The following SLC44A4 variants were observed in gnomAD, a reference collection of about 807,000 sequenced individuals.
SLC44A4 encodes solute carrier family 44 member 4, also known as choline transporter-like protein 4.
A neutral mutation model predicts 97.0 loss-of-function variants in SLC44A4; 74 were observed. That is an observed-to-expected ratio of 0.76 (90% CI 0.63 to 0.93). SLC44A4 has a LOEUF of 0.93. Among genes scored for constraint, SLC44A4 ranks in the 40% least tolerant of loss-of-function variants. SLC44A4 has a pLI of 0.00. For missense variants in SLC44A4, 799 were observed against 902.9 expected (o/e 0.88, Z 1.48); for synonymous variants, 325 against 363.8 (o/e 0.89, Z 1.21).
At position 31,877,782 on chromosome 6, in the gene SLC44A4, A is replaced by T; in HGVS notation, c.41-700T>A. The T allele has an allele frequency of 2.0e-5, 4 of 200,466 alleles. No homozygotes were observed. The highest frequency in any genetic ancestry group is 2.7e-5 in the Non-Finnish European group (3 of 112,236). The allele number at this position is 200,466 out of a possible 1,614,324, so 12.4% of individuals were successfully genotyped here. A position where few individuals can be genotyped will look rare whatever the true frequency, so the allele number is the denominator to read the frequency against. On this transcript the variant is annotated intron_variant, in intron 1 of 20. Coordinates refer to ENST00000229729, the MANE Select transcript of SLC44A4 (RefSeq NM_025257.3). This position sits in a 1 kb window ranked among gnomAD's most constrained non-coding sequence, Gnocchi z 6.5. ...TTCCTGGTCCTCCCTGAGTACACAC[A>T]CAGGGAGGAGGAGGGCTGGGCAGTC... is the stretch of plus-strand genomic sequence containing the variant.
chr6:31,864,814 A>C lies in SLC44A4; in HGVS notation c.1926+2T>G, dbSNP rs907912881. The C allele has an allele frequency of 1.2e-6, 2 of 1,614,018 alleles. No homozygotes were observed. The highest frequency in any genetic ancestry group is 1.3e-5 in the African/African-American group (1 of 75,012). ...GGAGCAGCAGAGAGGGGAGTCACTC[A>C]CCATGATGGGCAGCCAGTAATAGTT... On this transcript the variant is annotated splice_donor_variant, in intron 19 of 20. Transcript: ENST00000229729. LOFTEE classifies it high-confidence loss of function.
At chr6:31,871,857 G>A (rs796906937) in intron 7 of SLC44A4, among the ~76,000 whole-genome samples, 12 of 152,146 alleles carry the variant, frequency 7.9e-5, no homozygotes, top group Non-Finnish European at 1.3e-4. Context: ...CAGGGAGACC[G>A]TGGCACTGCC....
At position 31,863,711 on chromosome 6, in the gene SLC44A4, C is replaced by G; in HGVS notation, c.2049G>C (p.Arg683=). ...GAAGGCTCTTGGACATGTAGTAGGGCCGGTCCAGGGAGCCGTTGTTCCGCT... is the reference window on the plus strand; with the variant it reads ...GAAGGCTCTTGGACATGTAGTAGGGGCGGTCCAGGGAGCCGTTGTTCCGCT... ...DLERNNGSLD[R]PYYMSKSLLK... The change falls in exon 21 of 21, where the codon CGG becomes CGC. Residue 683 remains arginine (R), a synonymous_variant. Coordinates refer to ENST00000229729, the MANE Select transcript of SLC44A4 (RefSeq NM_025257.3). The G allele has an allele frequency of 1.2e-6, 2 of 1,612,706 alleles. No individual in the cohort carries two copies. The highest frequency in any genetic ancestry group is 1.7e-6 in the Non-Finnish European group (2 of 1,179,922).
At chr6:31,868,622 C>A (rs762546770) in intron 13 of SLC44A4, among the ~76,000 whole-genome samples, 13 of 152,118 alleles carry the variant, frequency 8.5e-5, no homozygotes, top group Non-Finnish European at 1.5e-4. Context: ...CACAGCAAGA[C>A]CTTGCCTCTA....
Position 31,874,791 on chromosome 6 carries a change from G to A in SLC44A4, c.398C>T (p.Ser133Leu), listed in dbSNP as rs1429376747. 5 of 1,614,054 alleles carry A rather than the reference G, an allele frequency of 3.1e-6. No homozygotes were observed. Among genetic ancestry groups the A allele is most frequent in the Non-Finnish European group, 4.2e-6 (5 of 1,179,978 alleles). The change falls in exon 6 of 21, where the codon TCA becomes TTA. Residue 133 changes from serine to leucine, a missense_variant. By Grantham distance (145) the Ser-to-Leu change is moderately radical. This residue lies in a region of SLC44A4 where 409 missense variants were observed against 434.1 expected (regional missense o/e 0.94). Coordinates refer to ENST00000229729, the MANE Select transcript of SLC44A4 (RefSeq NM_025257.3). The surrounding 1 kb of genome is among the most constrained non-coding windows in gnomAD (Gnocchi z 4.8). ...DPWTVGKNEF[S>L]QTVGEVFYTK... ...ATAGAAGACTTCCCCAACAGTCTGT[G>A]AGAACTCGTTTTTTCCCACAGTCCA...
chr6:31,865,294 G>A lies in SLC44A4; in HGVS notation c.1760+21C>T, dbSNP rs1383138610. 6.2e-7 allele frequency: 1 copy of A among 1,613,378 alleles called. No individual in the cohort carries two copies. Among genetic ancestry groups the A allele is most frequent in the Non-Finnish European group, 8.5e-7 (1 of 1,179,674 alleles). On this transcript the variant is annotated intron_variant, in intron 17 of 20. Transcript: ENST00000229729. This position sits in a 1 kb window ranked among gnomAD's most constrained non-coding sequence, Gnocchi z 5.2. ...GGAGATCAGAGGAGGGAGCCACAAA[G>A]CGGGGGGGGAGCAGCCTAACCTGAC...
rs1020635233 is a variant in SLC44A4 at position 31,876,815 on chromosome 6, C to T, written c.89+219G>A. 2.0e-5 allele frequency among the ~76,000 whole-genome samples: 3 copies of T among 151,804 alleles called. No individual in the cohort carries two copies. The highest frequency in any genetic ancestry group is 2.9e-5 in the Non-Finnish European group (2 of 67,940). ...GGGTGAGTTCTCTCGCTTGTGAAGCCGGCACTTAAGTCAAGAAACAGAACA... is the reference window on the plus strand; with the variant it reads ...GGGTGAGTTCTCTCGCTTGTGAAGCTGGCACTTAAGTCAAGAAACAGAACA... On this transcript the variant is annotated intron_variant, in intron 2 of 20. Transcript: ENST00000229729. The surrounding 1 kb of genome is among the most constrained non-coding windows in gnomAD (Gnocchi z 4.8).
chr6:31,871,352 G>T lies in SLC44A4; in HGVS notation c.663C>A (p.Ile221=), dbSNP rs776697768. 5.6e-6 allele frequency: 9 copies of T among 1,614,142 alleles called. No individual in the cohort carries two copies. Among genetic ancestry groups the T allele is most frequent in the Non-Finnish European group, 7.6e-6 (9 of 1,180,022 alleles). Residue 221 remains isoleucine (I), a synonymous_variant, in exon 9 of 21, where the codon ATC becomes ATA. Coordinates refer to ENST00000229729, the MANE Select transcript of SLC44A4 (RefSeq NM_025257.3). ...ACCAGGACTGGGCAAAATCTTCAAA[G>T]ATCTTAACACTGATGTCTCGGGCAT... The part of the protein sequence containing the change: ...SLNARDISVK[I]FEDFAQSWYW...
At chr6:31,867,542 C>T (rs1762928968) in intron 13 of SLC44A4, among the ~76,000 whole-genome samples, 1 of 151,564 alleles carries the variant, frequency 6.6e-6, no homozygotes, top group Admixed American at 6.6e-5. Context: ...CCAGCCTGGG[C>T]AACATAGTGA....
chr6:31,876,003 C>T lies in SLC44A4; in HGVS notation c.163+53G>A. ...GGGCAGTTATGGGAATGGTCCCTCC[C>T]TGGGTTCCTGTCCCTCACCCACTGC... On this transcript the variant is annotated intron_variant, in intron 3 of 20. Coordinates refer to ENST00000229729, the MANE Select transcript of SLC44A4 (RefSeq NM_025257.3). The surrounding 1 kb of genome is among the most constrained non-coding windows in gnomAD (Gnocchi z 4.8). 6.2e-7 allele frequency: 1 copy of T among 1,612,022 alleles called. No individual in the cohort carries two copies. Among genetic ancestry groups the T allele is most frequent in the Non-Finnish European group, 8.5e-7 (1 of 1,178,116 alleles).
Position 31,876,775 on chromosome 6 carries a change from C to T in SLC44A4, c.89+259G>A, listed in dbSNP as rs1383765308. Among the ~76,000 whole-genome samples, 4 of 152,158 alleles carry T rather than the reference C, an allele frequency of 2.6e-5. No individual in the cohort carries two copies. The highest frequency in any genetic ancestry group is 4.8e-5 in the African/African-American group (2 of 41,418). ...GTAAAAGACAGAAAAGCACACAACT[C>T]GCAAGGGCTCAGCTGGGTGAGTTCT... On this transcript the variant is annotated intron_variant, in intron 2 of 20. Coordinates refer to ENST00000229729, the MANE Select transcript of SLC44A4 (RefSeq NM_025257.3). This position sits in a 1 kb window ranked among gnomAD's most constrained non-coding sequence, Gnocchi z 4.8.
At position 31,876,256 on chromosome 6, in the gene SLC44A4, TA is replaced by T. The variant is rs1398576197; in HGVS notation, c.90-128del. The T allele has an allele frequency of 7.6e-6, 5 of 658,622 alleles. No individual in the cohort carries two copies. The highest frequency in any genetic ancestry group is 2.9e-5 in the East Asian group (1 of 34,768). The allele number at this position is 658,622 out of a possible 1,614,324, so 40.8% of individuals were successfully genotyped here. ...CATGGGCATCAGTAGGCTTTATTTT[TA>T]TTTTTTTATTGCTTTTACTTTTTTA... On this transcript the variant is annotated intron_variant, in intron 2 of 20. Coordinates refer to ENST00000229729, the MANE Select transcript of SLC44A4 (RefSeq NM_025257.3). This position sits in a 1 kb window ranked among gnomAD's most constrained non-coding sequence, Gnocchi z 4.8.
At chr6:31,872,658 G>C (rs548446224) in intron 7 of SLC44A4, among the ~76,000 whole-genome samples, 1 of 151,746 alleles carries the variant, frequency 6.6e-6, no homozygotes, top group East Asian at 2.0e-4. Context: ...TTAGCCTCCT[G>C]AGCAGTTGGG....
chr6:31,869,782 G>C (rs1235414993), intron 11 of SLC44A4, 145 bp from the exon 12 acceptor site: 1 of 638,378 alleles, frequency 1.6e-6, no homozygotes. Flanking sequence ...TCAGGAGATC[G>C]AGACCATGCT....
Position 31,874,356 on chromosome 6 carries a change from CCAA to C in SLC44A4, c.529+101_529+103del. 1 of 1,338,022 alleles carries C rather than the reference CCAA, an allele frequency of 7.5e-7. No homozygotes were observed. Among genetic ancestry groups the C allele is most frequent in the Non-Finnish European group, 1.1e-6 (1 of 943,266 alleles). 82.9% of individuals were successfully genotyped at this position (1,338,022 alleles called of 1,614,324 possible). A position where few individuals can be genotyped will look rare whatever the true frequency, so the allele number is the denominator to read the frequency against. ...CCTGATGCTAATTCCAATTTTGCCA[CCAA>C]CAAGCTATGTGACTTCACTCTCTCT... On this transcript the variant is annotated intron_variant, in intron 7 of 20. Transcript: ENST00000229729. The surrounding 1 kb of genome is among the most constrained non-coding windows in gnomAD (Gnocchi z 4.8).
chr6:31,865,140 T>A lies in SLC44A4; in HGVS notation c.1761-60A>T. The A allele has an allele frequency of 6.9e-6, 11 of 1,594,494 alleles. No individual in the cohort carries two copies. Among genetic ancestry groups the A allele is most frequent in the Non-Finnish European group, 8.6e-6 (10 of 1,162,822 alleles). On this transcript the variant is annotated intron_variant, in intron 17 of 20. Transcript: ENST00000229729. This position sits in a 1 kb window ranked among gnomAD's most constrained non-coding sequence, Gnocchi z 5.2. ...GGCCTGGCAATGCTGAGAGTGAAAT[T>A]GGCTTCGTAATTTGTGGGGACTGGT...
Position 31,874,519 on chromosome 6 carries a change from G to C in SLC44A4, c.470C>G (p.Thr157Arg). ...TTCCTGTTGCAGGCTTGTGATCACC[G>C]TCTGTGGCAGGAGTGAAAGGACAGA... is the stretch of plus-strand genomic sequence containing the variant. The part of the protein sequence containing the change: ...FCLPGVPWNM[T>R]VITSLQQELC... The change falls in exon 7 of 21, where the codon ACG (threonine) becomes AGG (arginine). Residue 157 changes from threonine (T) to arginine (R), a missense_variant and splice_region_variant. Around this residue, in one of 3 missense-constraint regions of SLC44A4, gnomAD observed 409 missense variants for 434.1 expected, o/e 0.94. Transcript: ENST00000229729. The surrounding 1 kb of genome is among the most constrained non-coding windows in gnomAD (Gnocchi z 4.8). 6.2e-7 allele frequency: 1 copy of C among 1,612,698 alleles called. No individual in the cohort carries two copies. The highest frequency in any genetic ancestry group is 8.5e-7 in the Non-Finnish European group (1 of 1,179,828).
At position 31,869,556 on chromosome 6, in the gene SLC44A4, G is replaced by T; in HGVS notation, c.1119C>A (p.Ala373=). 1 of 1,602,938 alleles carries T rather than the reference G, an allele frequency of 6.2e-7. No homozygotes were observed. Among genetic ancestry groups the T allele is most frequent in the Non-Finnish European group, 8.5e-7 (1 of 1,175,398 alleles). The change falls in exon 12 of 21, where the codon GCC becomes GCA. Residue 373 remains alanine, a synonymous_variant. Coordinates refer to ENST00000229729, the MANE Select transcript of SLC44A4 (RefSeq NM_025257.3). ...VLLLICIAYW[A]MTALYLATSG... is the part of the protein sequence containing the mutation. ...TGGGCAGAGGATACAGAGCAGTCAT[G>T]GCCCAGTAGGCAATGCAGATGAGGA...
chr6:31,875,571 G>A (rs1763396915), intron 4 of SLC44A4, among the ~76,000 whole-genome samples: 2 of 152,238 alleles, frequency 1.3e-5, no homozygotes, highest in African/African-American at 4.8e-5. Flanking sequence ...ACTTGGTCCA[G>A]TTGGGGATCC....
Sources: gnomAD v4.1 joint callset for allele counts (sites outside exome capture counted in the v4.1 genomes callset) on GRCh38, gnomAD v4.1.1 for gene constraint, gnomAD v4.1.1 regional missense constraint, Gnocchi (gnomAD v3.1) non-coding constraint, MANE v1.5 for transcripts, NCBI Gene and HGNC (gene_info 2026-07-23, HGNC 2026-07-21) for gene names.